RERE: variants seen among roughly 807,000 people sequenced by gnomAD.
RERE encodes arginine-glutamic acid dipeptide repeats protein.
In RERE, 40 loss-of-function variants were observed where a neutral mutation model predicts 146.1. The observed-to-expected ratio is 0.27, with a 90% confidence interval of 0.21 to 0.36. The LOEUF (loss-of-function observed/expected upper bound fraction) is 0.36. RERE is among the 10% of genes least tolerant of loss of function. The pLI is 1.00. For missense variants in RERE, 1,933 were observed against 2,138.7 expected, an observed-to-expected ratio of 0.90 and a Z score of 1.90; for synonymous variants, 1,003 against 866.0, an observed-to-expected ratio of 1.16 and a Z score of -2.78.
At chr1:8,378,437 T>C (rs1642336262) in intron 12 of RERE, among the ~76,000 whole-genome samples, 1 of 152,166 alleles carries the variant, frequency 6.6e-6, no homozygotes, top group Middle Eastern at 3.2e-3. Flanking sequence ...ACGTTGAAGC[T>C]CTAACCCCCA....
At chr1:8,609,765 G>A (rs1361202803) in intron 4 of RERE, among the ~76,000 whole-genome samples, 2 of 152,128 alleles carry the variant, frequency 1.3e-5, no homozygotes, top group Non-Finnish European at 2.9e-5. Context: ...ATGGTACTAT[G>A]GTATCAAGCA....
intron 1 of RERE, among the ~76,000 whole-genome samples, chr1:8,773,610 G>A (rs567042360): frequency 1.3e-5 from 2 of 152,206 alleles, no homozygotes; most frequent in African/African-American, 4.8e-5. Flanking sequence ...CGAATCACAA[G>A]GTGAGGAGTT....
At chr1:8,702,777 C>CA (rs978581207) in intron 1 of RERE, among the ~76,000 whole-genome samples, 1 of 152,054 alleles carries the variant, frequency 6.6e-6, no homozygotes, top group South Asian at 2.1e-4. Flanking sequence ...TCTCCCCCCT[C>CA]AAAAAAATGT....
chr1:8,677,602 T>C (rs1557475518), intron 1 of RERE, among the ~76,000 whole-genome samples: 1 of 152,158 alleles, frequency 6.6e-6, no homozygotes, highest in Admixed American at 6.6e-5. Context: ...AATTCATATG[T>C]TTCATGTACC....
intron 19 of RERE, 140 bp from the exon 20 acceptor site, chr1:8,359,056 G>A: frequency 9.0e-7 from 1 of 1,108,414 alleles, no homozygotes; most frequent in Non-Finnish European, 1.2e-6. Flanking sequence ...ACCCGGCCCT[G>A]CCTTGGCCTG....
rs201570536 is a variant in RERE at position 8,359,794 on chromosome 1, TCGCTCC to T, written c.3582_3587del (p.Arg1200_Glu1201del). ...CCCGCTCTGCCTCGCGCTCCCGCTC[TCGCTCC>T]CGCTCCCGCTCCTTCTCCTTCTCCT... is the stretch of plus-strand genomic sequence containing the variant. On this transcript the variant is annotated inframe_deletion, in exon 19 of 23. Transcript: ENST00000400908. The T allele has an allele frequency of 8.7e-4, 1,392 of 1,601,614 alleles. 2 individuals are homozygous for T. Among genetic ancestry groups the T allele is most frequent in the Non-Finnish European group, 9.3e-4 (1,098 of 1,178,768 alleles).
intron 12 of RERE, among the ~76,000 whole-genome samples, chr1:8,403,608 C>G (rs1188782288): frequency 6.6e-6 from 1 of 150,710 alleles, no homozygotes; most frequent in East Asian, 2.0e-4. Flanking sequence ...TCAAGTGATC[C>G]TCTGGCCTTG....
At chr1:8,749,807 G>C (rs1432447594) in intron 1 of RERE, among the ~76,000 whole-genome samples, 1 of 152,138 alleles carries the variant, frequency 6.6e-6, no homozygotes, top group African/African-American at 2.4e-5. Flanking sequence ...AAGAGAACGA[G>C]GTGATCTATG....
rs534905243 is a variant in RERE at position 8,415,415 on chromosome 1, G to A, written c.1284+7312C>T. Among the ~76,000 whole-genome samples, 4 of 152,276 alleles carry A rather than the reference G, an allele frequency of 2.6e-5. No individual in the cohort carries two copies. In the South Asian group the frequency reaches 8.3e-4, roughly 32 times the overall value. ...ACCAACAGCAAATAAATCCCTGCAA[G>A]CAACATTTTGTTCAATAACACTTTA... On this transcript the variant is annotated intron_variant, in intron 12 of 22. Transcript: ENST00000400908.
At chr1:8,381,347 AAGATGGGT>A (rs1423909783) in intron 12 of RERE, among the ~76,000 whole-genome samples, 3 of 152,202 alleles carry the variant, frequency 2.0e-5, no homozygotes, top group African/African-American at 7.2e-5. Context: ...TGCCTGACAC[AAGATGGGT>A]GCTCGGGAAA....
intron 12 of RERE, among the ~76,000 whole-genome samples, chr1:8,389,642 A>C (rs1642811351): frequency 6.6e-6 from 1 of 152,214 alleles, no homozygotes; most frequent in South Asian, 2.1e-4. Context: ...TTGGTAACCC[A>C]TGCTTTGCAG....
chr1:8,683,616 AC>A (rs1453892298), intron 1 of RERE, among the ~76,000 whole-genome samples: 2 of 152,198 alleles, frequency 1.3e-5, no homozygotes, highest in Non-Finnish European at 2.9e-5. Flanking sequence ...GAGATTAAAA[AC>A]AAAATATATG....
At chr1:8,507,500 T>C (rs1440490301) in intron 8 of RERE, among the ~76,000 whole-genome samples, 2 of 151,572 alleles carry the variant, frequency 1.3e-5, no homozygotes, top group African/African-American at 2.4e-5. Flanking sequence ...CTCCGCCCCC[T>C]GGGTTCAAGT....
chr1:8,779,707 T>G lies in RERE; in HGVS notation c.-145+37453A>C, dbSNP rs201260531. ...AAGCTCCATGAGAGCAGAGATTTTT[T>G]TCTATTTATTCATTATCATATCCTC... On this transcript the variant is annotated intron_variant, in intron 1 of 22. Coordinates refer to ENST00000400908, the MANE Select transcript of RERE (RefSeq NM_001042681.2). 9.9e-5 allele frequency among the ~76,000 whole-genome samples: 15 copies of G among 152,200 alleles called. No homozygotes were observed. The East Asian group carries it at 2.7e-3, about 27-fold the overall frequency.
chr1:8,552,971 T>C (rs984853203), intron 6 of RERE, among the ~76,000 whole-genome samples: 1 of 148,122 alleles, frequency 6.8e-6, no homozygotes, highest in Non-Finnish European at 1.5e-5. Context: ...CAAACACTCA[T>C]GACACCACAC....
chr1:8,814,071 T>C (rs1200350136), intron 1 of RERE, among the ~76,000 whole-genome samples: 5 of 152,254 alleles, frequency 3.3e-5, no homozygotes, highest in African/African-American at 4.8e-5. Flanking sequence ...GGAGAATATA[T>C]TGAACTGAAA....
intron 7 of RERE, among the ~76,000 whole-genome samples, chr1:8,540,105 C>A (rs558425655): frequency 1.3e-5 from 2 of 151,638 alleles, no homozygotes; most frequent in East Asian, 3.9e-4. Flanking sequence ...ATTTTTTATT[C>A]TTTTAAAAGA....
intron 2 of RERE, among the ~76,000 whole-genome samples, chr1:8,631,493 C>T (rs1444916025): frequency 1.3e-5 from 2 of 152,186 alleles, no homozygotes; most frequent in African/African-American, 4.8e-5. Context: ...CAATCATATG[C>T]TATACAAACT....
intron 1 of RERE, among the ~76,000 whole-genome samples, chr1:8,717,095 T>TA (rs1639779303): frequency 6.6e-6 from 1 of 152,238 alleles, no homozygotes; most frequent in South Asian, 2.1e-4. Context: ...TAACAGCTTT[T>TA]AAAAGAAGCA....
Sources: gnomAD v4.1 joint callset for allele counts (sites outside exome capture counted in the v4.1 genomes callset) on GRCh38, gnomAD v4.1.1 for gene constraint, MANE v1.5 for transcripts, NCBI Gene and HGNC (gene_info 2026-07-23, HGNC 2026-07-21) for gene names.